The following PLXNA2 variants were observed in gnomAD, a reference collection of about 807,000 sequenced individuals.
PLXNA2 encodes plexin-A2.
In PLXNA2, 91 loss-of-function variants were observed where a neutral mutation model predicts 193.5. The ratio of observed to expected loss-of-function variants is 0.47; its 90% confidence interval spans 0.40 to 0.56. The LOEUF (loss-of-function observed/expected upper bound fraction) is 0.56. PLXNA2 is among the 20% of genes least tolerant of loss of function. PLXNA2 has a pLI of 0.00. For missense variants in PLXNA2, 1,995 were observed against 2,503.2 expected, an observed-to-expected ratio of 0.80 and a Z score of 4.33; for synonymous variants, 997 against 1,027.3, an observed-to-expected ratio of 0.97 and a Z score of 0.56.
At chr1:208,210,786 T>C (rs899820329) in intron 2 of PLXNA2, among the ~76,000 whole-genome samples, 1 of 152,248 alleles carries the variant, frequency 6.6e-6, no homozygotes, top group Admixed American at 6.5e-5. Context: ...TTTATTTTAA[T>C]GTTCCTCAGG....
chr1:208,117,489 C>A (rs1366970575), intron 4 of PLXNA2, among the ~76,000 whole-genome samples: 1 of 152,202 alleles, frequency 6.6e-6, no homozygotes. Context: ...GTCCAAAAGA[C>A]CCCCTGGAGG....
intron 3 of PLXNA2, among the ~76,000 whole-genome samples, chr1:208,179,146 C>T (rs565498975): frequency 2.6e-4 from 39 of 152,238 alleles, no homozygotes; most frequent in Admixed American, 2.0e-3. Context: ...AGGAGAGAGG[C>T]GGGGAGGCTG....
At chr1:208,083,400 C>G (rs1296625862) in intron 10 of PLXNA2, among the ~76,000 whole-genome samples, 1 of 152,132 alleles carries the variant, frequency 6.6e-6, no homozygotes, top group Non-Finnish European at 1.5e-5. Context: ...ACCCCCCACT[C>G]TTCAGCTCTG....
At chr1:208,178,561 A>G (rs1199044528) in intron 3 of PLXNA2, among the ~76,000 whole-genome samples, 1 of 152,170 alleles carries the variant, frequency 6.6e-6, no homozygotes, top group East Asian at 1.9e-4. Flanking sequence ...CTTCTCTCCA[A>G]GGGGTTCCTA....
At chr1:208,048,066 A>G (rs149875385) in intron 17 of PLXNA2, among the ~76,000 whole-genome samples, 55 of 152,208 alleles carry the variant, frequency 3.6e-4, no homozygotes, top group African/African-American at 1.3e-3. Context: ...AGCCTTGGTG[A>G]GCCTCACCCC....
chr1:208,197,226 G>A (rs1208040880), intron 3 of PLXNA2, among the ~76,000 whole-genome samples: 1 of 152,214 alleles, frequency 6.6e-6, no homozygotes, highest in East Asian at 1.9e-4. Flanking sequence ...GATCAAAAGA[G>A]CAGGGACTAG....
chr1:208,221,684 T>C (rs1459890315), intron 1 of PLXNA2, among the ~76,000 whole-genome samples: 1 of 152,172 alleles, frequency 6.6e-6, no homozygotes, highest in African/African-American at 2.4e-5. Context: ...TTCATCTTTC[T>C]ATGCCAAATT....
intron 2 of PLXNA2, among the ~76,000 whole-genome samples, chr1:208,210,758 G>A (rs1670917658): frequency 6.6e-6 from 1 of 152,166 alleles, no homozygotes; most frequent in African/African-American, 2.4e-5. Flanking sequence ...AAAGCTAAGT[G>A]CCTGAACTCA....
At chr1:208,235,730 A>G (rs913932753) in intron 1 of PLXNA2, among the ~76,000 whole-genome samples, 4 of 152,004 alleles carry the variant, frequency 2.6e-5, no homozygotes, top group African/African-American at 9.7e-5. Context: ...GCTCTCAACC[A>G]TCTCAGTGGG....
At chr1:208,239,209 A>T (rs1465010515) in intron 1 of PLXNA2, among the ~76,000 whole-genome samples, 1 of 151,072 alleles carries the variant, frequency 6.6e-6, no homozygotes, top group African/African-American at 2.4e-5. Context: ...GGCTTTCAAG[A>T]GTCCCCTCTA....
At chr1:208,215,521 A>G (rs190136348) in intron 2 of PLXNA2, among the ~76,000 whole-genome samples, 16 of 152,218 alleles carry the variant, frequency 1.1e-4, no homozygotes, top group African/African-American at 3.9e-4. Flanking sequence ...GGATGAGTGG[A>G]TAAAGAGATG....
intron 29 of PLXNA2, chr1:208,030,838 T>A (rs1202458439): frequency 1.0e-6 from 1 of 985,298 alleles, no homozygotes; most frequent in East Asian, 1.1e-4. Context: ...CCGGGTCCTG[T>A]CTGACCTGAA....
intron 3 of PLXNA2, among the ~76,000 whole-genome samples, chr1:208,158,125 T>A (rs1571979432): frequency 6.6e-6 from 1 of 152,236 alleles, no homozygotes; most frequent in East Asian, 1.9e-4. Context: ...CAGCTTCTGA[T>A]GCCTTTCTCT....
At chr1:208,104,618 G>A (rs914832748) in intron 4 of PLXNA2, among the ~76,000 whole-genome samples, 8 of 152,300 alleles carry the variant, frequency 5.3e-5, no homozygotes, top group South Asian at 2.1e-4. Flanking sequence ...TGTGATGAGC[G>A]AAAGCGATCA....
intron 4 of PLXNA2, among the ~76,000 whole-genome samples, chr1:208,104,679 G>C (rs1489656115): frequency 6.6e-6 from 1 of 152,010 alleles, no homozygotes; most frequent in Non-Finnish European, 1.5e-5. Flanking sequence ...GGGTGGGAGG[G>C]GAGAGAGATG....
At chr1:208,207,026 G>C (rs940862915) in intron 3 of PLXNA2, among the ~76,000 whole-genome samples, 1 of 151,630 alleles carries the variant, frequency 6.6e-6, no homozygotes, top group African/African-American at 2.4e-5. Flanking sequence ...TTGCTTTTGA[G>C]ATGGAGTCTC....
intron 1 of PLXNA2, among the ~76,000 whole-genome samples, chr1:208,237,367 A>C (rs1216163059): frequency 4.6e-5 from 7 of 152,214 alleles, no homozygotes; most frequent in Non-Finnish European, 7.3e-5. Context: ...TTAAATGTGA[A>C]TGTGGATGAG....
intron 1 of PLXNA2, among the ~76,000 whole-genome samples, chr1:208,223,838 G>T (rs901168170): frequency 6.6e-6 from 1 of 152,208 alleles, no homozygotes; most frequent in African/African-American, 2.4e-5. Context: ...ATCCTGCCAA[G>T]GAGATTCTGA....
chr1:208,102,741 G>A (rs1472145993), intron 5 of PLXNA2, among the ~76,000 whole-genome samples: 2 of 152,208 alleles, frequency 1.3e-5, no homozygotes, highest in South Asian at 4.1e-4. Context: ...GCAGCTAGCT[G>A]GAGTCTAAAC....
Sources: allele counts gnomAD v4.1 joint callset (sites outside exome capture counted in the v4.1 genomes callset), GRCh38; gene constraint gnomAD v4.1.1; transcripts MANE v1.5; gene names NCBI Gene and HGNC (gene_info 2026-07-23, HGNC 2026-07-21).